The following NRXN3 variants were observed in gnomAD, a reference collection of about 807,000 sequenced individuals.
NRXN3 encodes the protein neurexin III.
Under a neutral mutation model 137.6 loss-of-function variants are expected in NRXN3, and 32 were observed. That is an observed-to-expected ratio of 0.23 (90% CI 0.18 to 0.31). The LOEUF is 0.31. Ranked by LOEUF, NRXN3 falls within the 10% of genes least tolerant of loss-of-function variation. The probability of loss-of-function intolerance (pLI) is 1.00; values close to 1 mark genes in which losing one functional copy is unlikely to be tolerated. For missense variants in NRXN3, 1,574 were observed against 2,062.5 expected (o/e 0.76, Z 4.59); for synonymous variants, 798 against 784.5 (o/e 1.02, Z -0.29).
At chr14:78,510,387 C>T (rs1039542722) in intron 4 of NRXN3, among the ~76,000 whole-genome samples, 1 of 152,074 alleles carries the variant, frequency 6.6e-6, no homozygotes, top group African/African-American at 2.4e-5. Context: ...ATGCTTAGCT[C>T]TAATCTCAAG....
At chr14:78,407,445 A>G (rs567294842) in intron 4 of NRXN3, among the ~76,000 whole-genome samples, 1 of 152,328 alleles carries the variant, frequency 6.6e-6, no homozygotes, top group South Asian at 2.1e-4. Context: ...ATTCTAGCAA[A>G]GAAACCTGGG....
intron 15 of NRXN3, among the ~76,000 whole-genome samples, chr14:79,170,834 C>T (rs987994922): frequency 7.2e-5 from 11 of 152,070 alleles, no homozygotes; most frequent in African/African-American, 2.7e-4. Context: ...ATTATAGTTT[C>T]TTGGTGCCTG....
rs540730998 is a variant in NRXN3, at chr14:79,129,450, A to T, written c.3262+141309A>T. Among the ~76,000 whole-genome samples, 4 of 150,886 alleles carry T rather than the reference A, an allele frequency of 2.7e-5. No individual in the cohort carries two copies. In the South Asian group the frequency reaches 8.4e-4, roughly 32 times the overall value. On this transcript the variant is annotated intron_variant, in intron 15 of 20. Transcript: ENST00000335750. ...TTCGTTATGTACCCAGTAGTCATTC[A>T]GGAGCAGATTGTTCAGTTTCCATGT...
chr14:79,128,447 G>T (rs1197814737), intron 15 of NRXN3, among the ~76,000 whole-genome samples: 2 of 150,196 alleles, frequency 1.3e-5, no homozygotes, highest in Non-Finnish European at 3.0e-5. Flanking sequence ...TGTGGTTTTT[G>T]TCTTTGGTTC....
At chr14:79,007,978 C>T (rs2099557058) in intron 15 of NRXN3, among the ~76,000 whole-genome samples, 1 of 152,018 alleles carries the variant, frequency 6.6e-6, no homozygotes, top group South Asian at 2.1e-4. Flanking sequence ...GGTTTAAGCT[C>T]TGTCAAGTGG....
In NRXN3 at chr14:79,116,678, T is replaced by C. The variant is rs947657343; in HGVS notation, c.3262+128537T>C. Among the ~76,000 whole-genome samples, 4 of 152,230 alleles carry C rather than the reference T, an allele frequency of 2.6e-5. No homozygotes were observed. The East Asian group carries it at 5.8e-4, about 22-fold the overall frequency. On this transcript the variant is annotated intron_variant, in intron 15 of 20. Transcript: ENST00000335750. ...TTAATGATGATGTTTCTCTGGTGTG[T>C]GAAGGGTCTTTAAATAAATGTTAGG...
intron 3 of NRXN3, among the ~76,000 whole-genome samples, chr14:78,285,275 C>T (rs1375851092): frequency 6.6e-6 from 1 of 152,094 alleles, no homozygotes; most frequent in African/African-American, 2.4e-5. Context: ...CTTTGCTATT[C>T]TTTGGGGCAA....
intron 6 of NRXN3, among the ~76,000 whole-genome samples, chr14:78,663,145 A>G (rs1256917309): frequency 1.3e-5 from 2 of 152,200 alleles, no homozygotes; most frequent in African/African-American, 4.8e-5. Flanking sequence ...GTTGAGATGT[A>G]AATACTGTCA....
intron 15 of NRXN3, among the ~76,000 whole-genome samples, chr14:79,014,764 C>T (rs1294936186): frequency 6.6e-6 from 1 of 152,092 alleles, no homozygotes. Flanking sequence ...TGTGAAGGTT[C>T]TTTCTCATTT....
chr14:79,828,315 G>T (rs530944892), intron 20 of NRXN3, among the ~76,000 whole-genome samples: 84 of 152,166 alleles, frequency 5.5e-4, no homozygotes, highest in African/African-American at 1.8e-3. Context: ...CTGGAGGAAG[G>T]TTGGCTAGAA....
chr14:78,836,584 A>AT (rs2098997652), intron 10 of NRXN3, among the ~76,000 whole-genome samples: 1 of 152,254 alleles, frequency 6.6e-6, no homozygotes, highest in African/African-American at 2.4e-5. Flanking sequence ...TTAAATGTAT[A>AT]TTTTTTTAAT....
rs8010653 is a variant in NRXN3 at position 78,920,364 on chromosome 14, G to A, written c.2276-36878G>A. Among the ~76,000 whole-genome samples the A allele has an allele frequency of 3.3e-5, 5 of 152,094 alleles. No homozygotes were observed. The East Asian group carries it at 5.8e-4, about 18-fold the overall frequency. ...GGGAAGTGAAATCTTAAAACACCCC[G>A]GAAAATACTGGAAATTTTTATTTTA... On this transcript the variant is annotated intron_variant, in intron 10 of 20. Transcript: ENST00000335750.
chr14:79,284,826 G>C (rs879396817), intron 15 of NRXN3, among the ~76,000 whole-genome samples: 1 of 152,088 alleles, frequency 6.6e-6, no homozygotes, highest in Non-Finnish European at 1.5e-5. Context: ...TGCTCAGCCA[G>C]CTGCTTTCTA....
At chr14:78,602,962 G>A (rs1017285801) in intron 4 of NRXN3, among the ~76,000 whole-genome samples, 2 of 152,184 alleles carry the variant, frequency 1.3e-5, no homozygotes, top group African/African-American at 2.4e-5. Context: ...CTGCAGGCCT[G>A]TTCTGTGCTT....
At chr14:78,226,350 C>T (rs773801248) in intron 1 of NRXN3, among the ~76,000 whole-genome samples, 9 of 152,188 alleles carry the variant, frequency 5.9e-5, no homozygotes, top group South Asian at 2.1e-4. Context: ...TGAATAAGGG[C>T]GCGTTGTGTT....
At chr14:78,414,794 A>C (rs2093035050) in intron 4 of NRXN3, among the ~76,000 whole-genome samples, 1 of 152,166 alleles carries the variant, frequency 6.6e-6, no homozygotes, top group African/African-American at 2.4e-5. Context: ...AGATTAAGAG[A>C]AACTGAGGAA....
chr14:79,120,550 A>G (rs2055228488), intron 15 of NRXN3, among the ~76,000 whole-genome samples: 1 of 152,048 alleles, frequency 6.6e-6, no homozygotes, highest in Non-Finnish European at 1.5e-5. Context: ...GAAAAATCAA[A>G]CCATAGAAAA....
intron 4 of NRXN3, among the ~76,000 whole-genome samples, chr14:78,498,557 A>G (rs1462890110): frequency 1.3e-5 from 2 of 152,120 alleles, no homozygotes; most frequent in African/African-American, 4.8e-5. Flanking sequence ...GGTTGGGGGT[A>G]GGGATAATAA....
At chr14:79,670,720 A>G (rs1390773568) in intron 17 of NRXN3, among the ~76,000 whole-genome samples, 1 of 152,090 alleles carries the variant, frequency 6.6e-6, no homozygotes, top group Non-Finnish European at 1.5e-5. Flanking sequence ...GATTGTGTTC[A>G]TTGTTCTGTC....
Sources: gnomAD v4.1 joint callset for allele counts (sites outside exome capture counted in the v4.1 genomes callset) on GRCh38, gnomAD v4.1.1 for gene constraint, MANE v1.5 for transcripts, NCBI Gene and HGNC (gene_info 2026-07-23, HGNC 2026-07-21) for gene names.